KIAA0513: variants seen among roughly 807,000 people sequenced by gnomAD.
The protein encoded by KIAA0513 is KIAA0513.
KIAA0513 carries 39 observed loss-of-function variants against 56.5 expected under a neutral mutation model. The observed-to-expected ratio is 0.69, with a 90% confidence interval of 0.53 to 0.90. KIAA0513 has a LOEUF of 0.90. Ranked by LOEUF, KIAA0513 falls within the 40% of genes least tolerant of loss-of-function variation. The probability of loss-of-function intolerance (pLI) is 0.00; values close to 1 mark genes in which losing one functional copy is unlikely to be tolerated. For missense variants in KIAA0513, 591 were observed against 535.2 expected, an observed-to-expected ratio of 1.10 and a Z score of -1.03; for synonymous variants, 268 against 215.6, an observed-to-expected ratio of 1.24 and a Z score of -2.13.
chr16:85,052,398 G>C (rs924517596), intron 1 of KIAA0513, among the ~76,000 whole-genome samples: 1 of 152,110 alleles, frequency 6.6e-6, no homozygotes, highest in African/African-American at 2.4e-5. Flanking sequence ...TGTAATCCCA[G>C]CTACTCGGGA....
At chr16:85,033,470 C>T (rs1266225298) in intron 1 of KIAA0513, among the ~76,000 whole-genome samples, 3 of 152,198 alleles carry the variant, frequency 2.0e-5, no homozygotes, top group African/African-American at 4.8e-5. Flanking sequence ...ATAAATGGCG[C>T]GGGTGAATAC....
chr16:85,033,329 C>T (rs2072992006), intron 1 of KIAA0513, among the ~76,000 whole-genome samples: 1 of 152,204 alleles, frequency 6.6e-6, no homozygotes, highest in Non-Finnish European at 1.5e-5. Flanking sequence ...GATGCCACAG[C>T]TGCTTCAGGT....
chr16:85,031,115 C>T (rs1404579498), intron 1 of KIAA0513, among the ~76,000 whole-genome samples: 1 of 152,160 alleles, frequency 6.6e-6, no homozygotes, highest in Admixed American at 6.5e-5. Context: ...AGCTTGGGAA[C>T]TGTGATTTAT....
intron 1 of KIAA0513, among the ~76,000 whole-genome samples, chr16:85,044,895 G>A (rs1246857807): frequency 6.6e-6 from 1 of 151,924 alleles, no homozygotes; most frequent in African/African-American, 2.4e-5. Flanking sequence ...GAGGCAGGTG[G>A]ATCATGAGGT....
chr16:85,035,829 A>G (rs2073028670), intron 1 of KIAA0513, among the ~76,000 whole-genome samples: 1 of 152,062 alleles, frequency 6.6e-6, no homozygotes, highest in African/African-American at 2.4e-5. Context: ...GAATACAAAA[A>G]AATTAGCCAG....
At chr16:85,070,167 T>A (rs1166828652) in intron 2 of KIAA0513, among the ~76,000 whole-genome samples, 1 of 132,360 alleles carries the variant, frequency 7.6e-6, no homozygotes, top group Non-Finnish European at 1.6e-5. Flanking sequence ...GGAGACCCTG[T>A]CTCAAAAAAA....
chr16:85,044,512 T>TA (rs1555520371), intron 1 of KIAA0513, among the ~76,000 whole-genome samples: 7 of 132,420 alleles, frequency 5.3e-5, no homozygotes, highest in African/African-American at 1.4e-4. Flanking sequence ...TTATTTTTAT[T>TA]TTTTTTTTTT....
chr16:85,082,356 T>TG (rs1255346005), intron 9 of KIAA0513, among the ~76,000 whole-genome samples: 1 of 152,058 alleles, frequency 6.6e-6, no homozygotes, highest in Non-Finnish European at 1.5e-5. Flanking sequence ...AACAGGGACA[T>TG]GCTCAGATGC....
At chr16:85,072,348 T>A (rs141693520) in intron 3 of KIAA0513, among the ~76,000 whole-genome samples, 19 of 152,354 alleles carry the variant, frequency 1.2e-4, no homozygotes, top group Non-Finnish European at 1.9e-4. Flanking sequence ...TGCGTGCATA[T>A]TTTTATTAAC....
chr16:85,078,291 G>C lies in KIAA0513; in HGVS notation c.783-124G>C, dbSNP rs2073688523. On this transcript the variant is annotated intron_variant, in intron 6 of 12. Coordinates refer to ENST00000683363, the MANE Select transcript of KIAA0513 (RefSeq NM_001388359.1). Reference sequence around the variant, plus strand: ...CAAATAGAGCCTTGATTTCATAAAAGGCTTTTCAGAGCAAGCCGTATTAAA... The same window carrying C: ...CAAATAGAGCCTTGATTTCATAAAACGCTTTTCAGAGCAAGCCGTATTAAA... 4 of 952,066 alleles carry C rather than the reference G, an allele frequency of 4.2e-6. 1 individual carries two copies. The South Asian group carries it at 5.9e-5, about 14-fold the overall frequency. 59.0% of individuals were successfully genotyped at this position (952,066 alleles called of 1,614,324 possible).
intron 1 of KIAA0513, among the ~76,000 whole-genome samples, chr16:85,061,075 C>G (rs1213789702): frequency 6.6e-6 from 1 of 151,798 alleles, no homozygotes; most frequent in Non-Finnish European, 1.5e-5. Context: ...ATTGCTTGAA[C>G]CCGGGAGGCG....
chr16:85,051,792 C>G (rs917841485), intron 1 of KIAA0513, among the ~76,000 whole-genome samples: 7 of 149,538 alleles, frequency 4.7e-5, no homozygotes, highest in Non-Finnish European at 8.9e-5. Flanking sequence ...TCTCCAGGTT[C>G]TTGGTAGCTC....
chr16:85,065,212 T>C (rs930805203), intron 1 of KIAA0513, among the ~76,000 whole-genome samples: 17 of 152,180 alleles, frequency 1.1e-4, no homozygotes, highest in African/African-American at 3.6e-4. Context: ...AATGCGCTTG[T>C]GGAAGGGCCT....
rs909785514 is a variant in KIAA0513, at chr16:85,081,408, G to C, written c.980+16G>C. ...CCACTACCAGGTAGGAGCAAAGTGT[G>C]GCCCCATTTGGCCTCAGGAAAAAGG... On this transcript the variant is annotated intron_variant, in intron 9 of 12. Transcript: ENST00000683363. The surrounding 1 kb of genome is among the most constrained non-coding windows in gnomAD (Gnocchi z 4.4). 5.8e-6 allele frequency: 9 copies of C among 1,551,374 alleles called. No homozygotes were observed. Among genetic ancestry groups the C allele is most frequent in the Non-Finnish European group, 7.0e-6 (8 of 1,145,674 alleles).
chr16:85,038,066 A>G (rs573110930), intron 1 of KIAA0513, among the ~76,000 whole-genome samples: 2 of 152,150 alleles, frequency 1.3e-5, no homozygotes, highest in South Asian at 2.1e-4. Context: ...CAAGTCTGTA[A>G]CTTGGCCTGC....
chr16:85,054,064 G>GT (rs1044934273), intron 1 of KIAA0513, among the ~76,000 whole-genome samples: 27 of 151,710 alleles, frequency 1.8e-4, no homozygotes, highest in African/African-American at 6.5e-4. Context: ...GGAGGCTGAG[G>GT]TGGGAGGATC....
Position 85,088,562 on chromosome 16 carries a change from AG to A in KIAA0513, c.*239del, listed in dbSNP as rs2073835993. On this transcript the variant is annotated 3_prime_UTR_variant, in exon 13 of 13. Coordinates refer to ENST00000683363, the MANE Select transcript of KIAA0513 (RefSeq NM_001388359.1). ...CCCTTGGGTCACACAGCTAAAGCCG[AG>A]GTGACCAGTTGTACCCCGAGTGCCA... is the stretch of plus-strand genomic sequence containing the variant. 1 of 551,716 alleles carries A rather than the reference AG, an allele frequency of 1.8e-6. No individual in the cohort carries two copies. The highest frequency in any genetic ancestry group is 3.0e-5 in the East Asian group (1 of 33,362). 34.2% of individuals were successfully genotyped at this position (551,716 alleles called of 1,614,324 possible).
intron 1 of KIAA0513, among the ~76,000 whole-genome samples, chr16:85,062,291 A>G (rs1029385262): frequency 1.3e-5 from 2 of 152,158 alleles, no homozygotes; most frequent in Non-Finnish European, 2.9e-5. Flanking sequence ...TAACCGATGC[A>G]TAGTAGATGC....
intron 1 of KIAA0513, among the ~76,000 whole-genome samples, chr16:85,030,742 TAAA>T (rs56905897): frequency 9.7e-5 from 13 of 134,242 alleles, no homozygotes; most frequent in Admixed American, 7.5e-5. Flanking sequence ...AGACTCCATC[TAAA>T]AAAAAAAAAA....
Sources: allele counts gnomAD v4.1 joint callset (sites outside exome capture counted in the v4.1 genomes callset), GRCh38; gene constraint gnomAD v4.1.1; non-coding constraint Gnocchi (gnomAD v3.1); transcripts MANE v1.5; gene names NCBI Gene and HGNC (gene_info 2026-07-23, HGNC 2026-07-21).